PCDHGC4: variants seen among roughly 807,000 people sequenced by gnomAD.
PCDHGC4 encodes the protein protocadherin gamma subfamily C, 4.
A neutral mutation model predicts 59.7 loss-of-function variants in PCDHGC4; 15 were observed. The ratio of observed to expected loss-of-function variants is 0.25; its 90% CI spans 0.17 to 0.39. The LOEUF (loss-of-function observed/expected upper bound fraction) is 0.39, where lower values mean the gene tolerates loss of function less well. PCDHGC4 is among the 10% of genes least tolerant of loss of function. The pLI is 1.00. For synonymous variants in PCDHGC4, 434 were observed against 481.4 expected, an observed-to-expected ratio of 0.90 and a Z score of 1.29; for missense variants, 1,016 against 1,189.5, an observed-to-expected ratio of 0.85 and a Z score of 2.15.
chr5:141,509,115 G>C (rs1480955058), intron 3 of PCDHGC4, among the ~76,000 whole-genome samples: 1 of 152,186 alleles, frequency 6.6e-6, no homozygotes, highest in Non-Finnish European at 1.5e-5. Flanking sequence ...GAGCGCTGGT[G>C]CGTGAAGAGA....
Position 141,489,351 on chromosome 5 carries a change from G to A in PCDHGC4, c.2442+1736G>A, listed in dbSNP as rs2099685862. ...GGCAGCTTCGTTACTCAGTGGTGGAGGAGTCTGAGCCGGGGACGCTGGTGG... is the reference window on the plus strand; with the variant it reads ...GGCAGCTTCGTTACTCAGTGGTGGAAGAGTCTGAGCCGGGGACGCTGGTGG... On this transcript the variant is annotated intron_variant, in intron 1 of 3. Transcript: ENST00000306593. This position sits in a 1 kb window ranked among gnomAD's most constrained non-coding sequence, Gnocchi z 4.5. The A allele has an allele frequency of 6.2e-7, 1 of 1,612,202 alleles. No individual in the cohort carries two copies. The highest frequency in any genetic ancestry group is 1.3e-5 in the African/African-American group (1 of 75,006).
At position 141,489,437 on chromosome 5, in the gene PCDHGC4, T is replaced by C; in HGVS notation, c.2442+1822T>C. The C allele has an allele frequency of 6.2e-7, 1 of 1,614,110 alleles. No individual in the cohort carries two copies. Among genetic ancestry groups the C allele is most frequent in the Non-Finnish European group, 8.5e-7 (1 of 1,180,020 alleles). ...GATCTGTTGAGCCGGCGGCTGCAATTGGGCTCTGAGGAGAATGGGCGCTAT... is the reference window on the plus strand; with the variant it reads ...GATCTGTTGAGCCGGCGGCTGCAATCGGGCTCTGAGGAGAATGGGCGCTAT... On this transcript the variant is annotated intron_variant, in intron 1 of 3. Transcript: ENST00000306593. This position sits in a 1 kb window ranked among gnomAD's most constrained non-coding sequence, Gnocchi z 4.5.
At chr5:141,494,772 G>C in intron 1 of PCDHGC4, 35 bp from the exon 2 acceptor site, 1 of 1,613,982 alleles carries the variant, frequency 6.2e-7, no homozygotes, top group Non-Finnish European at 8.5e-7. Context: ...ACTTCTCACG[G>C]GTACTCAGCC....
Position 141,491,215 on chromosome 5 carries a change from A to G in PCDHGC4, c.2443-3592A>G, listed in dbSNP as rs546893944. 2.5e-6 allele frequency: 4 copies of G among 1,614,196 alleles called. No individual in the cohort carries two copies. Among genetic ancestry groups the G allele is most frequent in the Non-Finnish European group, 3.4e-6 (4 of 1,180,036 alleles). On this transcript the variant is annotated intron_variant, in intron 1 of 3. Coordinates refer to ENST00000306593, the MANE Select transcript of PCDHGC4 (RefSeq NM_018928.3). This position sits in a 1 kb window ranked among gnomAD's most constrained non-coding sequence, Gnocchi z 6.9. ...CAATGGTGACCCTTCACTCTCCTCC[A>G]CAGCCACAGTGCTGCTGGTTCTGGA...
chr5:141,487,455 A>G lies in PCDHGC4; in HGVS notation c.2282A>G (p.Lys761Arg), dbSNP rs751456631. 6.2e-7 allele frequency: 1 copy of G among 1,614,122 alleles called. No individual in the cohort carries two copies. The highest frequency in any genetic ancestry group is 8.5e-7 in the Non-Finnish European group (1 of 1,180,032). The change falls in exon 1 of 4, where the codon AAG becomes AGG. Residue 761 changes from lysine to arginine, a missense_variant. Physicochemically the swap from Lys to Arg is conservative, Grantham distance 26. Coordinates refer to ENST00000306593, the MANE Select transcript of PCDHGC4 (RefSeq NM_018928.3). The surrounding 1 kb of genome is among the most constrained non-coding windows in gnomAD (Gnocchi z 5.0). ...RIQLGSDDPIKFVDVGGHSHG... is the reference protein window; with the variant it reads ...RIQLGSDDPIRFVDVGGHSHG... ...CAGCTAGGGTCAGATGACCCTATCA[A>G]GTTTGTTGATGTGGGAGGCCACTCT...
chr5:141,502,615 A>G (rs2099815317), intron 2 of PCDHGC4, among the ~76,000 whole-genome samples: 1 of 152,218 alleles, frequency 6.6e-6, no homozygotes, highest in Non-Finnish European at 1.5e-5. Context: ...TTGTGAAAAT[A>G]TAAGTAATCT....
At chr5:141,501,423 A>C (rs1195105794) in intron 2 of PCDHGC4, among the ~76,000 whole-genome samples, 1 of 151,966 alleles carries the variant, frequency 6.6e-6, no homozygotes, top group Non-Finnish European at 1.5e-5. Flanking sequence ...AGTTGACTAA[A>C]TGTAGTCCAT....
At position 141,490,357 on chromosome 5, in the gene PCDHGC4, A is replaced by G; in HGVS notation, c.2442+2742A>G. ...AGTGGGCACAGTAGTGGGGTTGTTT[A>G]ATGTGCGAGACCGGGACTCAGGTAG... On this transcript the variant is annotated intron_variant, in intron 1 of 3. Transcript: ENST00000306593. This position sits in a 1 kb window ranked among gnomAD's most constrained non-coding sequence, Gnocchi z 5.4. The G allele has an allele frequency of 6.2e-7, 1 of 1,614,178 alleles. No individual in the cohort carries two copies. The highest frequency in any genetic ancestry group is 8.5e-7 in the Non-Finnish European group (1 of 1,180,030).
rs2099746956 is a variant in PCDHGC4 at position 141,493,207 on chromosome 5, A to C, written c.2443-1600A>C. Among the ~76,000 whole-genome samples, 1 of 152,152 alleles carries C rather than the reference A, an allele frequency of 6.6e-6. No individual in the cohort carries two copies. The highest frequency in any genetic ancestry group is 2.4e-5 in the African/African-American group (1 of 41,442). On this transcript the variant is annotated intron_variant, in intron 1 of 3. Coordinates refer to ENST00000306593, the MANE Select transcript of PCDHGC4 (RefSeq NM_018928.3). The surrounding 1 kb of genome is among the most constrained non-coding windows in gnomAD (Gnocchi z 4.3). ...ATAACTCCTTTGAGAACCTCATCTC[A>C]TTTGCTCTTCCCACCATTGCTGTTG...
intron 1 of PCDHGC4, 162 bp from the exon 2 acceptor site, chr5:141,494,645 G>A: frequency 1.1e-6 from 1 of 935,948 alleles, no homozygotes. Flanking sequence ...GAGACCTGAG[G>A]TGTATTTTGT....
At position 141,497,540 on chromosome 5, in the gene PCDHGC4, C is replaced by CT. The variant is rs754207034; in HGVS notation, c.2501+2693dup. On this transcript the variant is annotated intron_variant, in intron 2 of 3. Transcript: ENST00000306593. Reference sequence around the variant, plus strand: ...TTAACTTGTGGAGGATGCAACAAACCTTTTTTTTTTTTTTTTTTAGACAGA... The same window carrying CT: ...TTAACTTGTGGAGGATGCAACAAACCTTTTTTTTTTTTTTTTTTTAGACAGA... Among the ~76,000 whole-genome samples, 618 of 134,908 alleles carry CT rather than the reference C, an allele frequency of 4.6e-3. 3 individuals carry two copies. The highest frequency in any genetic ancestry group is 0.012 in the African/African-American group (419 of 35,974). 88.5% of individuals were successfully genotyped at this position (134,908 alleles called of 152,430 possible). A position where few individuals can be genotyped will look rare whatever the true frequency, so the allele number is the denominator to read the frequency against.
intron 2 of PCDHGC4, among the ~76,000 whole-genome samples, chr5:141,498,971 G>GGAA (rs2099787559): frequency 9.0e-6 from 1 of 110,972 alleles, no homozygotes; most frequent in African/African-American, 3.6e-5. Flanking sequence ...GAGGGAGGGA[G>GGAA]GGAAGGAAGG....
At position 141,485,062 on chromosome 5, in the gene PCDHGC4, C is replaced by A; in HGVS notation, c.-112C>A. 1 of 876,340 alleles carries A rather than the reference C, an allele frequency of 1.1e-6. No individual in the cohort carries two copies. Among genetic ancestry groups the A allele is most frequent in the African/African-American group, 1.7e-5 (1 of 59,510 alleles). The allele number at this position is 876,340 out of a possible 1,614,324, so 54.3% of individuals were successfully genotyped here. On this transcript the variant is annotated 5_prime_UTR_variant, in exon 1 of 4. Coordinates refer to ENST00000306593, the MANE Select transcript of PCDHGC4 (RefSeq NM_018928.3). This position sits in a 1 kb window ranked among gnomAD's most constrained non-coding sequence, Gnocchi z 5.7. ...CCTTGCGGCGCCGGCCGAACCGCGC[C>A]AGAGCTGGCGCGGGGAAAGGGAGAT...
At chr5:141,492,560 G>T (rs2099742000) in intron 1 of PCDHGC4, among the ~76,000 whole-genome samples, 1 of 152,156 alleles carries the variant, frequency 6.6e-6, no homozygotes, top group Non-Finnish European at 1.5e-5. Context: ...CCTGGGGGGC[G>T]GCCTGAGCGA....
chr5:141,504,130 C>T (rs1334901812), intron 2 of PCDHGC4, among the ~76,000 whole-genome samples: 1 of 152,154 alleles, frequency 6.6e-6, no homozygotes, highest in African/African-American at 2.4e-5. Flanking sequence ...TGTTTCCCGC[C>T]AACACTCCCC....
chr5:141,507,570 G>A (rs562674847), intron 3 of PCDHGC4, among the ~76,000 whole-genome samples: 1 of 152,366 alleles, frequency 6.6e-6, no homozygotes, highest in South Asian at 2.1e-4. Flanking sequence ...CTGGGTCTGA[G>A]GAGATGCCAA....
chr5:141,497,736 G>A (rs1437670417), intron 2 of PCDHGC4, among the ~76,000 whole-genome samples: 6 of 151,962 alleles, frequency 3.9e-5, no homozygotes, highest in Admixed American at 1.3e-4. Flanking sequence ...GATGGGTTTC[G>A]CCACGTTGGC....
At position 141,511,313 on chromosome 5, in the gene PCDHGC4, CAGAA is replaced by C; in HGVS notation, c.*142_*145del. The C allele has an allele frequency of 2.0e-6, 3 of 1,482,944 alleles. No homozygotes were observed. In the South Asian group the frequency reaches 4.1e-5, roughly 20 times the overall value. 91.9% of individuals were successfully genotyped at this position (1,482,944 alleles called of 1,614,324 possible). ...CCAAGGCCATGCTCCCCTTGGGAAA[CAGAA>C]ACAAGTGCCCAGTCAGCACCTACCC... On this transcript the variant is annotated 3_prime_UTR_variant, in exon 4 of 4. Transcript: ENST00000306593.
In PCDHGC4 at chr5:141,489,873, G is replaced by A. The variant is rs1252665956; in HGVS notation, c.2442+2258G>A. The A allele has an allele frequency of 4.3e-6, 7 of 1,614,224 alleles. No homozygotes were observed. The highest frequency in any genetic ancestry group is 5.9e-6 in the Non-Finnish European group (7 of 1,180,030). On this transcript the variant is annotated intron_variant, in intron 1 of 3. Coordinates refer to ENST00000306593, the MANE Select transcript of PCDHGC4 (RefSeq NM_018928.3). The surrounding 1 kb of genome is among the most constrained non-coding windows in gnomAD (Gnocchi z 4.5). Reference sequence around the variant, plus strand: ...AAGCCCAGGCAAGACATCAGCTGGTGCTTACTGCTGTGGATGGGGGGACCC... The same window carrying A: ...AAGCCCAGGCAAGACATCAGCTGGTACTTACTGCTGTGGATGGGGGGACCC...
Sources: allele counts gnomAD v4.1 joint callset (sites outside exome capture counted in the v4.1 genomes callset), GRCh38; gene constraint gnomAD v4.1.1; non-coding constraint Gnocchi (gnomAD v3.1); transcripts MANE v1.5; gene names NCBI Gene and HGNC (gene_info 2026-07-23, HGNC 2026-07-21).